Variants in CPNE7 observed in about 807,000 individuals in gnomAD.
CPNE7 encodes the protein copine-7.
In CPNE7, 78 loss-of-function variants were observed where a neutral mutation model predicts 66.5. The observed-to-expected ratio is 1.17, with a 90% CI of 0.98 to 1.42. The LOEUF is 1.42. CPNE7 is among the 40% of genes most tolerant of loss of function. The pLI is 0.00. For missense variants in CPNE7, 1,012 were observed against 776.6 expected, an observed-to-expected ratio of 1.30 and a Z score of -3.60; for synonymous variants, 468 against 336.7, an observed-to-expected ratio of 1.39 and a Z score of -4.27.
chr16:89,576,045 C>A lies in CPNE7; in HGVS notation c.148C>A (p.Gln50Lys). The A allele has an allele frequency of 1.5e-6, 2 of 1,318,664 alleles. No homozygotes were observed. Among genetic ancestry groups the A allele is most frequent in the Admixed American group, 3.8e-5 (1 of 26,514 alleles). 81.7% of individuals were successfully genotyped at this position (1,318,664 alleles called of 1,614,324 possible). A position where few individuals can be genotyped will look rare whatever the true frequency, so the allele number is the denominator to read the frequency against. ...GTCCGACCCCAGCGTGGCGTTGCTGCAGCAGGCGCAGGGCCAGTGGGTGCA... is the reference window on the plus strand; with the variant it reads ...GTCCGACCCCAGCGTGGCGTTGCTGAAGCAGGCGCAGGGCCAGTGGGTGCA... ...TKSDPSVALLQQAQGQWVQVG... is the reference protein window; with the variant it reads ...TKSDPSVALLKQAQGQWVQVG... Residue 50 changes from glutamine to lysine, a missense_variant, in exon 1 of 15, where the codon CAG becomes AAG. Physicochemically the swap from Gln to Lys is moderately conservative, Grantham distance 53. Coordinates refer to ENST00000319518, the MANE Select transcript of CPNE7 (RefSeq NM_153636.3).
At chr16:89,594,962 C>G (rs2059230591) in intron 13 of CPNE7, among the ~76,000 whole-genome samples, 2 of 152,124 alleles carry the variant, frequency 1.3e-5, no homozygotes, top group African/African-American at 4.8e-5. Flanking sequence ...AACACTCAGT[C>G]TTGTGGCAGC....
intron 7 of CPNE7, 28 bp from the exon 8 acceptor site, chr16:89,586,642 G>T: frequency 1.3e-6 from 2 of 1,585,390 alleles, no homozygotes; most frequent in South Asian, 1.1e-5. Context: ...CCACCACTCT[G>T]GGGGGCCTCT....
At chr16:89,583,920 C>G in intron 3 of CPNE7, 108 bp from the exon 4 acceptor site, 1 of 1,468,198 alleles carries the variant, frequency 6.8e-7, no homozygotes, top group Non-Finnish European at 9.3e-7. Context: ...ACAGACACCT[C>G]CTCTCAGGCC....
intron 13 of CPNE7, among the ~76,000 whole-genome samples, chr16:89,594,416 C>G (rs904789296): frequency 6.6e-6 from 1 of 152,072 alleles, no homozygotes; most frequent in African/African-American, 2.4e-5. Flanking sequence ...GAAGGCGACT[C>G]TGAGTGGGGT....
Position 89,583,953 on chromosome 16 carries a change from C to T in CPNE7, c.433-75C>T, listed in dbSNP as rs1037466253. 1.9e-6 allele frequency: 3 copies of T among 1,561,348 alleles called. No individual in the cohort carries two copies. The African/African-American group carries it at 4.1e-5, about 21-fold the overall frequency. On this transcript the variant is annotated intron_variant, in intron 3 of 14. Coordinates refer to ENST00000319518, the MANE Select transcript of CPNE7 (RefSeq NM_153636.3). Reference sequence around the variant, plus strand: ...GCCCCGCTGGGTGGGGTCAGCCAGCCTGGGGCCTCTGGTCCCCCACGGTGG... The same window carrying T: ...GCCCCGCTGGGTGGGGTCAGCCAGCTTGGGGCCTCTGGTCCCCCACGGTGG...
At chr16:89,577,903 T>C (rs2058885868) in intron 2 of CPNE7, among the ~76,000 whole-genome samples, 182 bp downstream of exon 2, 1 of 152,166 alleles carries the variant, frequency 6.6e-6, no homozygotes, top group Non-Finnish European at 1.5e-5. Context: ...TTGAACTGGG[T>C]AATACATTCG....
rs758106310 is a variant in CPNE7, at chr16:89,587,047, A to G, written c.872A>G (p.His291Arg). 1.9e-6 allele frequency: 3 copies of G among 1,579,668 alleles called. No individual in the cohort carries two copies. Among genetic ancestry groups the G allele is most frequent in the South Asian group, 1.2e-5 (1 of 86,740 alleles). Reference protein sequence around the residue: ...GVVVLADLKFHRVYSFLDYIM... With the variant: ...GVVVLADLKFRRVYSFLDYIM... ...GCTGACTCCGCCGGCCGGAAGTTCC[A>G]CAGGGTGTACTCCTTCCTGGACTAT... Residue 291 changes from histidine to arginine, a missense_variant, in exon 9 of 15, where the codon CAC (histidine) becomes CGC (arginine). Transcript: ENST00000319518.
At position 89,596,761 on chromosome 16, in the gene CPNE7, G is replaced by A; in HGVS notation, c.*140G>A. 1 of 1,124,628 alleles carries A rather than the reference G, an allele frequency of 8.9e-7. No homozygotes were observed. The highest frequency in any genetic ancestry group is 1.2e-6 in the Non-Finnish European group (1 of 852,350). 69.7% of individuals were successfully genotyped at this position (1,124,628 alleles called of 1,614,324 possible). The stretch of plus-strand genomic sequence containing the variant: ...ACCAGGCCCCACTCCCAGTCCTCCT[G>A]GGATCCTGCTGGCTTGGGCCCGGCT... On this transcript the variant is annotated 3_prime_UTR_variant, in exon 15 of 15. Transcript: ENST00000319518.
intron 13 of CPNE7, among the ~76,000 whole-genome samples, chr16:89,594,970 A>G (rs532731494): frequency 2.0e-5 from 3 of 152,246 alleles, no homozygotes; most frequent in East Asian, 3.9e-4. Flanking sequence ...GTCTTGTGGC[A>G]GCACAGCGGG....
At chr16:89,579,198 A>G (rs2151427870) in intron 2 of CPNE7, among the ~76,000 whole-genome samples, 1 of 152,170 alleles carries the variant, frequency 6.6e-6, no homozygotes, top group Middle Eastern at 3.4e-3. Context: ...AGGCTGAGGC[A>G]GGAGAATCAC....
chr16:89,596,215 T>C (rs976188032), intron 14 of CPNE7, among the ~76,000 whole-genome samples: 4 of 152,228 alleles, frequency 2.6e-5, no homozygotes, highest in South Asian at 4.1e-4. Context: ...GCCGGGGAAG[T>C]GTGGGTGGGG....
rs376277946 is a variant in CPNE7, at chr16:89,586,713, G to T, written c.824G>T (p.Arg275Leu). Residue 275 changes from arginine (R) to leucine (L), a missense_variant, in exon 8 of 15, where the codon CGC becomes CTC. Coordinates refer to ENST00000319518, the MANE Select transcript of CPNE7 (RefSeq NM_153636.3). ...AACCCCAAATACAAGCAGAAGAGAC[G>T]CAGTTATAAGAACTCAGGAGTGGTC... is the stretch of plus-strand genomic sequence containing the variant. ...CVNPKYKQKR[R>L]SYKNSGVVVL... The T allele has an allele frequency of 6.2e-7, 1 of 1,612,700 alleles. No homozygotes were observed. The highest frequency in any genetic ancestry group is 8.5e-7 in the Non-Finnish European group (1 of 1,179,672).
At position 89,587,939 on chromosome 16, in the gene CPNE7, AT is replaced by A. The variant is rs2059100374; in HGVS notation, c.928-735del. 9.6e-5 allele frequency among the ~76,000 whole-genome samples: 3 copies of A among 31,234 alleles called. 1 individual carries two copies. The East Asian group carries it at 2.1e-3, about 22-fold the overall frequency. 20.5% of individuals were successfully genotyped at this position (31,234 alleles called of 152,430 possible). A position where few individuals can be genotyped will look rare whatever the true frequency, so the allele number is the denominator to read the frequency against. The stretch of plus-strand genomic sequence containing the variant: ...CGTGTCACCCGCGTGTCACCCACAG[AT>A]ACACGGCCCCCCGTGTTACCCACAG... On this transcript the variant is annotated intron_variant, in intron 9 of 14. Coordinates refer to ENST00000319518, the MANE Select transcript of CPNE7 (RefSeq NM_153636.3).
At chr16:89,595,907 GAC>G (rs1567969318) in intron 14 of CPNE7, 1 of 567,750 alleles carries the variant, frequency 1.8e-6, no homozygotes, top group Non-Finnish European at 3.4e-6. Flanking sequence ...GACCCGGCGA[GAC>G]ACGCACAGCA....
intron 3 of CPNE7, 115 bp downstream of exon 3, chr16:89,583,886 G>T (rs1176427608): frequency 6.9e-7 from 1 of 1,445,186 alleles, no homozygotes; most frequent in African/African-American, 1.4e-5. Context: ...GCAGGAGCCG[G>T]CAGCTACACA....
At chr16:89,591,569 G>A (rs1000738376) in intron 13 of CPNE7, among the ~76,000 whole-genome samples, 21 of 152,174 alleles carry the variant, frequency 1.4e-4, no homozygotes, top group African/African-American at 5.1e-4. Context: ...TGTGTGTATC[G>A]TCATTTTGTT....
At chr16:89,578,003 A>G (rs1362972579) in intron 2 of CPNE7, among the ~76,000 whole-genome samples, 1 of 152,088 alleles carries the variant, frequency 6.6e-6, no homozygotes, top group Non-Finnish European at 1.5e-5. Flanking sequence ...CATTGTCCAG[A>G]GAGAGATTTT....
chr16:89,595,253 C>A, intron 13 of CPNE7, 114 bp from the exon 14 acceptor site: 1 of 795,846 alleles, frequency 1.3e-6, no homozygotes. Flanking sequence ...GAAGGCGGTT[C>A]TAGGAAGCTC....
intron 1 of CPNE7, among the ~76,000 whole-genome samples, 198 bp from the exon 2 acceptor site, chr16:89,577,341 G>A (rs1300251287): frequency 1.3e-5 from 2 of 152,184 alleles, no homozygotes; most frequent in African/African-American, 4.8e-5. Context: ...GGGTGGAGCA[G>A]ACAGTGGTGG....
Sources: gnomAD v4.1 joint callset for allele counts (sites outside exome capture counted in the v4.1 genomes callset) on GRCh38, gnomAD v4.1.1 for gene constraint, MANE v1.5 for transcripts, NCBI Gene and HGNC (gene_info 2026-07-23, HGNC 2026-07-21) for gene names.